Variants in CFAP92 observed in about 807,000 individuals in gnomAD.
CFAP92 encodes uncharacterized protein CFAP92.
A neutral mutation model predicts 106.3 loss-of-function variants in CFAP92; 86 were observed. The ratio of observed to expected loss-of-function variants is 0.81; its 90% CI spans 0.68 to 0.97. The LOEUF (loss-of-function observed/expected upper bound fraction) is 0.97. Among genes scored for constraint, CFAP92 ranks in the 50% least tolerant of loss-of-function variants. The pLI is 0.00. For missense variants in CFAP92, 1,204 were observed against 1,283.8 expected (o/e 0.94, Z 0.95); for synonymous variants, 477 against 506.4 (o/e 0.94, Z 0.78).
chr3:129,023,781 G>C, the CFAP92 span, among the ~76,000 whole-genome samples: 1 of 152,230 alleles, frequency 6.6e-6, no homozygotes, highest in Non-Finnish European at 1.5e-5. Flanking sequence ...TTAGGAATCT[G>C]CATTATCCTA....
chr3:128,952,013 C>A (rs755397511), intron 9 of CFAP92, among the ~76,000 whole-genome samples: 1 of 152,166 alleles, frequency 6.6e-6, no homozygotes, highest in African/African-American at 2.4e-5. Flanking sequence ...TGGAGTCTCA[C>A]CTGGCAGTAT....
chr3:129,011,965 G>A, the CFAP92 span, among the ~76,000 whole-genome samples: 1 of 152,222 alleles, frequency 6.6e-6, no homozygotes, highest in African/African-American at 2.4e-5. Context: ...CAGGGGCACA[G>A]CCAGGCTGGA....
At chr3:129,001,619 C>A in intron 1 of CFAP92, 1 of 1,351,192 alleles carries the variant, frequency 7.4e-7, no homozygotes, top group Non-Finnish European at 9.5e-7. Context: ...GCGAGGCGCG[C>A]GGCGCAGCGA....
chr3:128,934,373 C>T (rs1559868139), intron 11 of CFAP92, among the ~76,000 whole-genome samples: 1 of 152,146 alleles, frequency 6.6e-6, no homozygotes, highest in Non-Finnish European at 1.5e-5. Context: ...GCATGCGCCA[C>T]CATGCCTGGC....
chr3:128,916,031 A>ACCT, intron 13 of CFAP92, 76 bp downstream of exon 13: 1 of 1,071,600 alleles, frequency 9.3e-7, no homozygotes, highest in Non-Finnish European at 1.2e-6. Context: ...TCCCCCACTG[A>ACCT]CCTCCAGGCA....
intron 7 of CFAP92, among the ~76,000 whole-genome samples, chr3:128,974,266 G>A (rs1943002342): frequency 3.3e-5 from 5 of 152,206 alleles, no homozygotes; most frequent in Admixed American, 3.3e-4. Context: ...GAAATGATCT[G>A]TAGCAATTAT....
At position 128,915,520 on chromosome 3, in the gene CFAP92, G is replaced by T; in HGVS notation, c.2960C>A (p.Ala987Asp). The change falls in exon 14 of 16, where the codon GCC becomes GAC. Residue 987 changes from alanine to aspartate, a missense_variant. Physicochemically the swap from Ala to Asp is moderately radical, Grantham distance 126. Transcript: ENST00000645291. Reference sequence around the variant, plus strand: ...CTTCAAGTCCAGGGGCTCCACCATGGCTGAGAGGTAATCCTGTGAGTACGT... The same window carrying T: ...CTTCAAGTCCAGGGGCTCCACCATGTCTGAGAGGTAATCCTGTGAGTACGT... The part of the protein sequence containing the change: ...RFTYSQDYLS[A>D]MVEPLDLKEE... 6.5e-7 allele frequency: 1 copy of T among 1,534,846 alleles called. No homozygotes were observed. The highest frequency in any genetic ancestry group is 8.7e-7 in the Non-Finnish European group (1 of 1,146,406).
At chr3:128,913,324 T>C (rs922408634) in intron 15 of CFAP92, among the ~76,000 whole-genome samples, 1 of 152,196 alleles carries the variant, frequency 6.6e-6, no homozygotes, top group African/African-American at 2.4e-5. Context: ...CAGGAGATGA[T>C]GGGGAGGCTG....
At chr3:128,922,475 CT>C (rs1937375102) in intron 12 of CFAP92, among the ~76,000 whole-genome samples, 1 of 152,106 alleles carries the variant, frequency 6.6e-6, no homozygotes, top group Admixed American at 6.6e-5. Flanking sequence ...GAACAGGAGG[CT>C]TTGGTAGTAA....
Position 128,977,033 on chromosome 3 carries a change from T to C in CFAP92, c.842A>G (p.Lys281Arg), listed in dbSNP as rs954213041. ...GGACTTCTCATATTCCTCACTGTTCTTGGAAGAAGTTTCGGGCTCTGCTTG... is the reference window on the plus strand; with the variant it reads ...GGACTTCTCATATTCCTCACTGTTCCTGGAAGAAGTTTCGGGCTCTGCTTG... ...SHQAEPETSSKNSEEYEKSLK... is the reference protein window; with the variant it reads ...SHQAEPETSSRNSEEYEKSLK... The change falls in exon 6 of 16, where the codon AAG (lysine) becomes AGG (arginine). Residue 281 changes from lysine (K) to arginine (R), a missense_variant. Lys to Arg is a conservative substitution (Grantham distance 26). Transcript: ENST00000645291. 1 of 1,613,802 alleles carries C rather than the reference T, an allele frequency of 6.2e-7. No individual in the cohort carries two copies. Among genetic ancestry groups the C allele is most frequent in the Non-Finnish European group, 8.5e-7 (1 of 1,179,862 alleles).
intron 9 of CFAP92, among the ~76,000 whole-genome samples, chr3:128,960,914 G>T (rs548346319): frequency 1.3e-4 from 20 of 152,062 alleles, no homozygotes; most frequent in Admixed American, 2.0e-4. Flanking sequence ...TTTCTAGGGG[G>T]CAAGAACCCC....
the CFAP92 span, among the ~76,000 whole-genome samples, chr3:129,019,560 C>A: frequency 6.6e-6 from 1 of 152,146 alleles, no homozygotes; most frequent in Non-Finnish European, 1.5e-5. Context: ...GAGAGAACTA[C>A]AGTTCTGGGA....
At chr3:128,957,225 G>A (rs1941511436) in intron 9 of CFAP92, among the ~76,000 whole-genome samples, 1 of 152,166 alleles carries the variant, frequency 6.6e-6, no homozygotes, top group African/African-American at 2.4e-5. Flanking sequence ...AGAACCACGG[G>A]TAAACAAATA....
At chr3:128,938,614 C>T (rs1939306240) in intron 10 of CFAP92, among the ~76,000 whole-genome samples, 2 of 151,828 alleles carry the variant, frequency 1.3e-5, no homozygotes, top group Non-Finnish European at 2.9e-5. Context: ...CTGCCTCAGC[C>T]TCCTGAGTAG....
chr3:128,925,812 A>T (rs1375163097), intron 12 of CFAP92, among the ~76,000 whole-genome samples: 2 of 152,228 alleles, frequency 1.3e-5, no homozygotes, highest in Non-Finnish European at 2.9e-5. Context: ...GCAGCCAGAG[A>T]CAACCAAATT....
chr3:128,933,043 A>C (rs1423383495), intron 11 of CFAP92, 46 bp from the exon 12 acceptor site: 1 of 1,504,988 alleles, frequency 6.6e-7, no homozygotes, highest in Admixed American at 2.0e-5. Context: ...CTACCTTGCA[A>C]GACAGGTGTA....
intron 9 of CFAP92, among the ~76,000 whole-genome samples, chr3:128,958,134 A>C (rs1941591259): frequency 1.3e-5 from 2 of 152,186 alleles, no homozygotes; most frequent in African/African-American, 4.8e-5. Flanking sequence ...CTACCTCTGC[A>C]AAGACCCTCT....
intron 15 of CFAP92, chr3:128,912,612 G>C (rs1936463556): frequency 6.2e-7 from 1 of 1,613,226 alleles, no homozygotes; most frequent in African/African-American, 1.3e-5. Flanking sequence ...TGCTGAGGCA[G>C]GGGACAGTGT....
intron 2 of CFAP92, among the ~76,000 whole-genome samples, chr3:128,992,584 T>A (rs1369373721): frequency 2.6e-5 from 4 of 151,896 alleles, no homozygotes; most frequent in Admixed American, 6.5e-5. Flanking sequence ...TTATTATTTT[T>A]TTTTTTTTTG....
Sources: gnomAD v4.1 joint callset for allele counts (sites outside exome capture counted in the v4.1 genomes callset) on GRCh38, gnomAD v4.1.1 for gene constraint, MANE v1.5 for transcripts, NCBI Gene and HGNC (gene_info 2026-07-23, HGNC 2026-07-21) for gene names.